Variants in RAB23 observed in about 807,000 individuals in gnomAD.
The protein encoded by RAB23 is RAB23, member RAS oncogene family.
In RAB23, 15 loss-of-function variants were observed where a neutral mutation model predicts 30.0. The observed-to-expected ratio is 0.50, with a 90% CI of 0.33 to 0.77. RAB23 has a LOEUF of 0.77. RAB23 is among the 30% of genes least tolerant of loss of function. The pLI, the probability that RAB23 is intolerant of heterozygous loss-of-function variation, is 0.02. For synonymous variants in RAB23, 93 were observed against 94.0 expected (o/e 0.99, Z 0.06); for missense variants, 243 against 275.4 (o/e 0.88, Z 0.83).
Position 57,196,559 on chromosome 6 carries a change from A to G in RAB23, c.289T>C (p.Phe97Leu). The change falls in exon 4 of 7, where the codon TTT (phenylalanine) becomes CTT (leucine). Residue 97 changes from phenylalanine (F) to leucine (L), a missense_variant. Physicochemically the swap from Phe to Leu is conservative, Grantham distance 22. Coordinates refer to ENST00000468148, the MANE Select transcript of RAB23 (RefSeq NM_016277.5). ...TCTCTCCAACTGGAAACTGCTTCAA[A>G]AGATTCCCTATCTGTGGTAGAGAAC... ...LVFSTTDRES[F>L]EAVSSWREKV... The G allele has an allele frequency of 6.2e-7, 1 of 1,614,028 alleles. No individual in the cohort carries two copies. Among genetic ancestry groups the G allele is most frequent in the Non-Finnish European group, 8.5e-7 (1 of 1,179,966 alleles).
intron 3 of RAB23, among the ~76,000 whole-genome samples, chr6:57,206,857 C>T (rs1341232664): frequency 6.6e-6 from 1 of 152,122 alleles, no homozygotes; most frequent in African/African-American, 2.4e-5. Flanking sequence ...TCAGTTGTGC[C>T]TTTTTATTTC....
intron 6 of RAB23, 125 bp from the exon 7 acceptor site, chr6:57,190,725 T>G (rs558699998): frequency 5.4e-6 from 7 of 1,294,202 alleles, no homozygotes; most frequent in South Asian, 4.8e-5. Flanking sequence ...TGTAGTAAAA[T>G]CCAACAAAAT....
chr6:57,193,022 A>C (rs1180344432), intron 6 of RAB23, among the ~76,000 whole-genome samples: 1 of 152,196 alleles, frequency 6.6e-6, no homozygotes, highest in African/African-American at 2.4e-5. Flanking sequence ...GATTGAAGAG[A>C]ATCTGCATTT....
At chr6:57,199,254 C>CGG (rs56828755) in intron 3 of RAB23, among the ~76,000 whole-genome samples, 1 of 151,870 alleles carries the variant, frequency 6.6e-6, no homozygotes, top group African/African-American at 2.4e-5. Flanking sequence ...CTCTGGGTGG[C>CGG]GGGGGGGTGG....
At chr6:57,190,645 A>C (rs770619896) in intron 6 of RAB23, 45 bp from the exon 7 acceptor site, 2 of 1,601,186 alleles carry the variant, frequency 1.2e-6, no homozygotes, top group African/African-American at 1.3e-5. Context: ...GACACGCCTG[A>C]GTTACCTGTT....
intron 1 of RAB23, among the ~76,000 whole-genome samples, chr6:57,218,459 T>C (rs762615169): frequency 2.0e-5 from 3 of 152,104 alleles, no homozygotes; most frequent in Non-Finnish European, 4.4e-5. Flanking sequence ...AAACACAACA[T>C]AGTATCAATT....
chr6:57,196,638 C>CA (rs1452552178), intron 3 of RAB23, 32 bp from the exon 4 acceptor site: 1 of 1,603,372 alleles, frequency 6.2e-7, no homozygotes, highest in South Asian at 1.1e-5. Context: ...ATCAATCAAT[C>CA]AAGGTATTTA....
In RAB23 at chr6:57,193,913, T is replaced by A. The variant is rs1469467792; in HGVS notation, c.503A>T (p.Lys168Ile). Reference sequence around the variant, plus strand: ...TTGTTGTTTGAGTTTCTGAAGGTATTTTTCAGCCAAATACTTAAAAACTAG... The same window carrying A: ...TTGTTGTTTGAGTTTCTGAAGGTATATTTCAGCCAAATACTTAAAAACTAG... Reference protein sequence around the residue: ...VNEVFKYLAEKYLQKLKQQIA... With the variant: ...VNEVFKYLAEIYLQKLKQQIA... Residue 168 changes from lysine (K) to isoleucine (I), a missense_variant, in exon 6 of 7, where the codon AAA becomes ATA. By Grantham distance (102) the Lys-to-Ile change is moderately radical. Coordinates refer to ENST00000468148, the MANE Select transcript of RAB23 (RefSeq NM_016277.5). 6.2e-7 allele frequency: 1 copy of A among 1,612,576 alleles called. No individual in the cohort carries two copies. The highest frequency in any genetic ancestry group is 8.5e-7 in the Non-Finnish European group (1 of 1,179,160).
At position 57,221,870 on chromosome 6, in the gene RAB23, C is replaced by G. The variant is rs1766075333; in HGVS notation, c.-210G>C. The G allele has an allele frequency of 2.0e-5, 3 of 152,668 alleles. No homozygotes were observed. The highest frequency in any genetic ancestry group is 1.3e-4 in the Admixed American group (2 of 15,312). The allele number at this position is 152,668 out of a possible 1,614,324, so 9.5% of individuals were successfully genotyped here. ...GGGAGCCGGGCCGGGAGGCCCCTGC[C>G]CTCGATACCCCTGCCCACTCCGGAG... is the stretch of plus-strand genomic sequence containing the variant. On this transcript the variant is annotated 5_prime_UTR_variant, in exon 1 of 7. Transcript: ENST00000468148.
rs1426354750 is a variant in RAB23, at chr6:57,188,541, T to G, written c.*1920A>C. 1 of 152,136 alleles carries G rather than the reference T, an allele frequency of 6.6e-6. No individual in the cohort carries two copies. Among genetic ancestry groups the G allele is most frequent in the Non-Finnish European group, 1.5e-5 (1 of 68,000 alleles). 9.4% of individuals were successfully genotyped at this position (152,136 alleles called of 1,614,324 possible). A position where few individuals can be genotyped will look rare whatever the true frequency, so the allele number is the denominator to read the frequency against. Reference sequence around the variant, plus strand: ...TCTGCCAATAAAGACAAAAGACTATTTGTTGCAAAGTATTATTTTGTGCAA... The same window carrying G: ...TCTGCCAATAAAGACAAAAGACTATGTGTTGCAAAGTATTATTTTGTGCAA... On this transcript the variant is annotated 3_prime_UTR_variant, in exon 7 of 7. Transcript: ENST00000468148.
At chr6:57,193,203 G>GA (rs797002803) in intron 6 of RAB23, among the ~76,000 whole-genome samples, 106 of 130,534 alleles carry the variant, frequency 8.1e-4, no homozygotes, top group African/African-American at 7.9e-4. Flanking sequence ...GGCAAAGGCA[G>GA]AAAAAAAAAA....
Position 57,193,934 on chromosome 6 carries a change from A to G in RAB23, c.482T>C (p.Val161Ala). 6.2e-7 allele frequency: 1 copy of G among 1,611,264 alleles called. No individual in the cohort carries two copies. Among genetic ancestry groups the G allele is most frequent in the Non-Finnish European group, 8.5e-7 (1 of 1,178,350 alleles). Residue 161 changes from valine (V) to alanine (A), a missense_variant and splice_region_variant, in exon 6 of 7, where the codon GTT (valine) becomes GCT (alanine). Transcript: ENST00000468148. The part of the protein sequence containing the change: ...SVKEDLNVNE[V>A]FKYLAEKYLQ... ...GTATTTTTCAGCCAAATACTTAAAA[A>G]CTAGAATAAAAAGAAAACACCCAGA...
At chr6:57,202,987 A>G (rs986174263) in intron 3 of RAB23, among the ~76,000 whole-genome samples, 1 of 148,576 alleles carries the variant, frequency 6.7e-6, no homozygotes, top group African/African-American at 2.5e-5. Context: ...AAGTTAAATT[A>G]CTAAGATAGG....
At chr6:57,201,160 G>A (rs1272323107) in intron 3 of RAB23, among the ~76,000 whole-genome samples, 4 of 149,904 alleles carry the variant, frequency 2.7e-5, no homozygotes, top group South Asian at 2.1e-4. Flanking sequence ...CTTGGCTCAC[G>A]GCAGCCTCTG....
intron 3 of RAB23, among the ~76,000 whole-genome samples, chr6:57,197,567 T>G (rs1199252321): frequency 6.6e-6 from 1 of 152,170 alleles, no homozygotes; most frequent in African/African-American, 2.4e-5. Context: ...AGACTCAAGA[T>G]ATGTCTGGGC....
chr6:57,221,133 G>A (rs1293775744), intron 1 of RAB23, among the ~76,000 whole-genome samples: 1 of 152,150 alleles, frequency 6.6e-6, no homozygotes. Context: ...CTAATCAAAA[G>A]GTTGTTTTCT....
At chr6:57,190,730 C>A in intron 6 of RAB23, 130 bp from the exon 7 acceptor site, 1 of 1,190,050 alleles carries the variant, frequency 8.4e-7, no homozygotes. Context: ...TAAAATCCAA[C>A]AAAATTTAGC....
chr6:57,190,859 C>T (rs1764814285), intron 6 of RAB23, among the ~76,000 whole-genome samples: 1 of 152,232 alleles, frequency 6.6e-6, no homozygotes, highest in African/African-American at 2.4e-5. Context: ...AACTCATACC[C>T]ATTAAACAGT....
Position 57,196,609 on chromosome 6 carries a change from G to A in RAB23, c.242-3C>T, listed in dbSNP as rs754797912. ...CACGAGCACACAAGCCTGGGCTCCT[G>A]TAAGTTCACAATCAATCAATCAATC... is the stretch of plus-strand genomic sequence containing the variant. On this transcript the variant is annotated splice_polypyrimidine_tract_variant and splice_region_variant and intron_variant, in intron 3 of 6. Transcript: ENST00000468148. 1.9e-6 allele frequency: 3 copies of A among 1,613,068 alleles called. No individual in the cohort carries two copies. The Admixed American group carries it at 5.0e-5, about 27-fold the overall frequency.
Sources: gnomAD v4.1 joint callset for allele counts (sites outside exome capture counted in the v4.1 genomes callset) on GRCh38, gnomAD v4.1.1 for gene constraint, MANE v1.5 for transcripts, NCBI Gene and HGNC (gene_info 2026-07-23, HGNC 2026-07-21) for gene names.